Variants in CAST observed in about 807,000 individuals in gnomAD.
CAST encodes the protein calpastatin.
In CAST, 76 loss-of-function variants were observed where a neutral mutation model predicts 119.6. The observed-to-expected ratio is 0.64, with a 90% CI of 0.53 to 0.77. The LOEUF (loss-of-function observed/expected upper bound fraction) is 0.77, where lower values mean the gene tolerates loss of function less well. Among genes scored for constraint, CAST ranks in the 30% least tolerant of loss-of-function variants. CAST has a pLI of 0.00. For synonymous variants in CAST, 319 were observed against 331.6 expected, an observed-to-expected ratio of 0.96 and a Z score of 0.41; for missense variants, 953 against 946.5, an observed-to-expected ratio of 1.01 and a Z score of -0.09.
At chr5:96,140,922 C>T in the CAST span, among the ~76,000 whole-genome samples, 2 of 152,152 alleles carry the variant, frequency 1.3e-5, no homozygotes, top group African/African-American at 2.4e-5. Context: ...GACTTTTATT[C>T]ACCATTACAC....
At chr5:96,395,030 C>T in the CAST span, 5 of 1,607,016 alleles carry the variant, frequency 3.1e-6, no homozygotes, top group Non-Finnish European at 4.3e-6. Context: ...TCCAGACTAA[C>T]AAATAAGCAT....
the CAST span, among the ~76,000 whole-genome samples, chr5:96,436,484 G>A: frequency 6.6e-6 from 1 of 152,032 alleles, no homozygotes; most frequent in African/African-American, 2.4e-5. Context: ...TGCTTAAAAA[G>A]GCTATATATC....
chr5:96,544,309 T>C (rs568647748), intron 1 of CAST, among the ~76,000 whole-genome samples: 1 of 152,342 alleles, frequency 6.6e-6, no homozygotes, highest in East Asian at 1.9e-4. Context: ...CATTTTATGC[T>C]CATGTAAATG....
At chr5:96,480,877 G>A in the CAST span, among the ~76,000 whole-genome samples, 1 of 152,106 alleles carries the variant, frequency 6.6e-6, no homozygotes, top group African/African-American at 2.4e-5. Flanking sequence ...TAGAGAGGAT[G>A]GTGAGCAAAT....
intron 1 of CAST, among the ~76,000 whole-genome samples, chr5:96,621,518 G>A (rs1318999392): frequency 1.3e-5 from 2 of 152,046 alleles, no homozygotes; most frequent in African/African-American, 4.8e-5. Flanking sequence ...ATCGCAGCAG[G>A]AGAGAGAGAG....
At chr5:96,494,892 C>T in the CAST span, among the ~76,000 whole-genome samples, 11 of 152,028 alleles carry the variant, frequency 7.2e-5, no homozygotes, top group Middle Eastern at 3.4e-3. Context: ...GCAAGGCGGG[C>T]GGATCACGAG....
chr5:96,134,014 G>A, the CAST span, among the ~76,000 whole-genome samples: 2 of 152,286 alleles, frequency 1.3e-5, no homozygotes, highest in South Asian at 2.1e-4. Flanking sequence ...GGCAACAAAC[G>A]TTGAGGAACA....
At chr5:96,364,048 G>A in the CAST span, among the ~76,000 whole-genome samples, 1 of 152,292 alleles carries the variant, frequency 6.6e-6, no homozygotes, top group South Asian at 2.1e-4. Flanking sequence ...ATGAAGGGCT[G>A]TTGAATTTTG....
At chr5:95,995,312 CAGAG>C in the CAST span, among the ~76,000 whole-genome samples, 1 of 152,114 alleles carries the variant, frequency 6.6e-6, no homozygotes, top group Non-Finnish European at 1.5e-5. Context: ...TATATCCTGA[CAGAG>C]AAGAAATAGC....
intron 1 of CAST, among the ~76,000 whole-genome samples, chr5:96,580,481 T>G (rs1746751257): frequency 6.6e-6 from 1 of 152,252 alleles, no homozygotes; most frequent in Admixed American, 6.5e-5. Context: ...GCAGGAGTTA[T>G]GGGCCCTTCA....
the CAST span, chr5:96,399,832 G>C: frequency 1.3e-6 from 1 of 772,600 alleles, no homozygotes. Context: ...GAGAACACTA[G>C]AAAATTCCAC....
the CAST span, among the ~76,000 whole-genome samples, chr5:96,181,656 G>T: frequency 6.6e-6 from 1 of 152,080 alleles, no homozygotes. Context: ...CTTAACTTTT[G>T]CTTCTGTGTT....
At chr5:96,084,505 G>T in the CAST span, among the ~76,000 whole-genome samples, 8 of 152,222 alleles carry the variant, frequency 5.3e-5, no homozygotes, top group African/African-American at 1.7e-4. Context: ...AAATCAGATC[G>T]TATTTTAATC....
the CAST span, among the ~76,000 whole-genome samples, chr5:96,284,730 G>A: frequency 6.7e-5 from 9 of 134,088 alleles, no homozygotes; most frequent in Admixed American, 4.0e-4. Context: ...ATACAAAGTG[G>A]GTGATGAGTC....
chr5:96,362,202 A>T, the CAST span, among the ~76,000 whole-genome samples: 1 of 151,872 alleles, frequency 6.6e-6, no homozygotes, highest in South Asian at 2.1e-4. Flanking sequence ...CATGGTGTAT[A>T]TGTGCCACAT....
At chr5:96,646,659 G>T (rs1255403232) in intron 1 of CAST, among the ~76,000 whole-genome samples, 3 of 152,170 alleles carry the variant, frequency 2.0e-5, no homozygotes, top group Non-Finnish European at 4.4e-5. Flanking sequence ...CTCTGGGGAG[G>T]TGTTGTGGGG....
chr5:96,119,029 C>G, the CAST span, among the ~76,000 whole-genome samples: 1 of 152,050 alleles, frequency 6.6e-6, no homozygotes, highest in Non-Finnish European at 1.5e-5. Context: ...TTAAATTGCT[C>G]TAAATGCATG....
At chr5:96,356,105 A>G in the CAST span, among the ~76,000 whole-genome samples, 3 of 152,126 alleles carry the variant, frequency 2.0e-5, no homozygotes, top group African/African-American at 4.8e-5. Flanking sequence ...TAGCTTTTTT[A>G]AATATGTTTG....
chr5:96,030,778 G>A, the CAST span, among the ~76,000 whole-genome samples: 2 of 152,088 alleles, frequency 1.3e-5, no homozygotes, highest in Non-Finnish European at 2.9e-5. Flanking sequence ...ATGTACAGTA[G>A]CTCATGCCTG....
Sources: gnomAD v4.1 joint callset for allele counts (sites outside exome capture counted in the v4.1 genomes callset) on GRCh38, gnomAD v4.1.1 for gene constraint, MANE v1.5 for transcripts, NCBI Gene and HGNC (gene_info 2026-07-23, HGNC 2026-07-21) for gene names.